Variants in STK4 observed in about 807,000 individuals in gnomAD.
STK4 encodes serine/threonine-protein kinase 4.
In STK4, 30 loss-of-function variants were observed where a neutral mutation model predicts 64.9. The ratio of observed to expected loss-of-function variants is 0.46; its 90% CI spans 0.35 to 0.63. STK4 has a LOEUF of 0.63. Ranked by LOEUF, STK4 falls within the 20% of genes least tolerant of loss-of-function variation. The pLI, the probability that STK4 is intolerant of heterozygous loss-of-function variation, is 0.01. For missense variants in STK4, 466 were observed against 598.5 expected, an observed-to-expected ratio of 0.78 and a Z score of 2.31; for synonymous variants, 177 against 199.0, an observed-to-expected ratio of 0.89 and a Z score of 0.93.
At chr20:45,002,830 T>C (rs1357987153) in intron 9 of STK4, among the ~76,000 whole-genome samples, 2 of 152,024 alleles carry the variant, frequency 1.3e-5, no homozygotes, top group Non-Finnish European at 2.9e-5. Flanking sequence ...TAAAAAAGAT[T>C]CTTAAGGTAA....
chr20:45,000,370 A>G, intron 7 of STK4, 22 bp from the exon 8 acceptor site: 1 of 1,610,182 alleles, frequency 6.2e-7, no homozygotes, highest in Non-Finnish European at 8.5e-7. Context: ...TGTCTCCAGT[A>G]TTTTCTACTT....
chr20:45,036,382 A>C (rs2068527780), intron 10 of STK4, among the ~76,000 whole-genome samples: 1 of 152,120 alleles, frequency 6.6e-6, no homozygotes, highest in South Asian at 2.1e-4. Context: ...TGTCCAGCAT[A>C]TCTGTGCAGT....
chr20:44,971,854 G>A (rs904858541), intron 1 of STK4, among the ~76,000 whole-genome samples: 8 of 151,730 alleles, frequency 5.3e-5, no homozygotes, highest in African/African-American at 1.9e-4. Flanking sequence ...TGTATTTTTA[G>A]TGGAGACGGG....
At chr20:45,010,132 G>A (rs556576133) in intron 9 of STK4, among the ~76,000 whole-genome samples, 27 of 152,068 alleles carry the variant, frequency 1.8e-4, no homozygotes, top group Admixed American at 6.5e-4. Flanking sequence ...GCAGTGGTGC[G>A]ATCTCGGCTT....
At chr20:45,060,180 G>A (rs1978865570) in intron 10 of STK4, among the ~76,000 whole-genome samples, 1 of 152,116 alleles carries the variant, frequency 6.6e-6, no homozygotes, top group African/African-American at 2.4e-5. Context: ...TGAATGGGCA[G>A]CCCCCTAAGC....
intron 5 of STK4, among the ~76,000 whole-genome samples, chr20:44,992,363 A>G (rs775697523): frequency 5.3e-5 from 8 of 151,910 alleles, no homozygotes; most frequent in Non-Finnish European, 7.4e-5. Context: ...GGCTCAAGCA[A>G]TCCTCTTGCT....
Position 45,018,218 on chromosome 20 carries a change from G to C in STK4, c.1148-6755G>C, listed in dbSNP as rs1002427472. Among the ~76,000 whole-genome samples, 5 of 151,862 alleles carry C rather than the reference G, an allele frequency of 3.3e-5. No individual in the cohort carries two copies. In the South Asian group the frequency reaches 8.3e-4, roughly 25 times the overall value. Reference sequence around the variant, plus strand: ...GATTACCAGAGTTGTTGTTGTTGTTGTTGTTGTTGTTTTTCCTGCAAACAT... The same window carrying C: ...GATTACCAGAGTTGTTGTTGTTGTTCTTGTTGTTGTTTTTCCTGCAAACAT... On this transcript the variant is annotated intron_variant, in intron 9 of 10. Coordinates refer to ENST00000372806, the MANE Select transcript of STK4 (RefSeq NM_006282.5).
Position 45,078,360 on chromosome 20 carries a change from C to CTG in STK4, c.*3184_*3185insTG, listed in dbSNP as rs1980679066. 6.6e-6 allele frequency: 1 copy of CTG among 152,038 alleles called. No homozygotes were observed. Among genetic ancestry groups the CTG allele is most frequent in the East Asian group, 1.9e-4 (1 of 5,190 alleles). The allele number at this position is 152,038 out of a possible 1,614,324, so 9.4% of individuals were successfully genotyped here. On this transcript the variant is annotated 3_prime_UTR_variant, in exon 11 of 11. Coordinates refer to ENST00000372806, the MANE Select transcript of STK4 (RefSeq NM_006282.5). ...AGCTGCCACTACAGGTGCTGCACCA[C>CTG]CACGCCCGGCTAATTTTTGTATTTT...
chr20:45,047,968 C>T (rs995600218), intron 10 of STK4, among the ~76,000 whole-genome samples: 1 of 152,154 alleles, frequency 6.6e-6, no homozygotes, highest in Admixed American at 6.5e-5. Context: ...TCTTTGTTTG[C>T]CAATTTAAAA....
At chr20:45,023,285 C>T (rs1382663095) in intron 9 of STK4, among the ~76,000 whole-genome samples, 6 of 152,100 alleles carry the variant, frequency 3.9e-5, no homozygotes, top group Admixed American at 2.6e-4. Flanking sequence ...TGGGCAGATA[C>T]GGGATTGGCT....
chr20:45,059,515 T>C (rs1211294209), intron 10 of STK4, among the ~76,000 whole-genome samples: 5 of 152,282 alleles, frequency 3.3e-5, no homozygotes, highest in African/African-American at 1.2e-4. Context: ...GGGTGGATAG[T>C]GTGTATAGCA....
intron 7 of STK4, among the ~76,000 whole-genome samples, chr20:44,997,996 T>C (rs1174127555): frequency 1.3e-5 from 2 of 152,200 alleles, no homozygotes; most frequent in Non-Finnish European, 2.9e-5. Context: ...AGCTGGTAAG[T>C]AGCACAGTCA....
At chr20:44,998,326 T>C (rs1045705991) in intron 7 of STK4, among the ~76,000 whole-genome samples, 1 of 152,194 alleles carries the variant, frequency 6.6e-6, no homozygotes, top group Non-Finnish European at 1.5e-5. Flanking sequence ...TCTGTTCTTT[T>C]GGTTTTGTGA....
At chr20:45,050,388 C>G (rs2068759671) in intron 10 of STK4, among the ~76,000 whole-genome samples, 2 of 152,156 alleles carry the variant, frequency 1.3e-5, no homozygotes, top group Admixed American at 6.5e-5. Context: ...TTTAACCAGT[C>G]TCCAGCTGAT....
At chr20:45,002,527 T>C (rs923127846) in intron 9 of STK4, among the ~76,000 whole-genome samples, 5 of 152,240 alleles carry the variant, frequency 3.3e-5, no homozygotes, top group Admixed American at 2.0e-4. Context: ...GCAGATTTTG[T>C]AATTCTCCCT....
At chr20:45,058,315 A>T (rs1024256676) in intron 10 of STK4, among the ~76,000 whole-genome samples, 9 of 152,114 alleles carry the variant, frequency 5.9e-5, no homozygotes, top group Non-Finnish European at 1.3e-4. Flanking sequence ...CCCAGCAGTA[A>T]GGCTTACAGA....
chr20:45,000,198 A>T (rs1157339565), intron 7 of STK4, among the ~76,000 whole-genome samples, 194 bp from the exon 8 acceptor site: 1 of 152,220 alleles, frequency 6.6e-6, no homozygotes, highest in African/African-American at 2.4e-5. Flanking sequence ...TGAAAAAGAT[A>T]GGCAAAGACT....
intron 9 of STK4, 145 bp downstream of exon 9, chr20:45,001,498 G>C: frequency 3.2e-6 from 3 of 951,066 alleles, no homozygotes; most frequent in Non-Finnish European, 4.4e-6. Flanking sequence ...AGTTTGCGAT[G>C]GGGACAGGAG....
At chr20:45,062,779 G>T (rs908584809) in intron 10 of STK4, among the ~76,000 whole-genome samples, 4 of 150,698 alleles carry the variant, frequency 2.7e-5, no homozygotes, top group African/African-American at 9.8e-5. Flanking sequence ...CCGGGTTCAC[G>T]CCATTCCCCG....
Sources: gnomAD v4.1 joint callset for allele counts (sites outside exome capture counted in the v4.1 genomes callset) on GRCh38, gnomAD v4.1.1 for gene constraint, MANE v1.5 for transcripts, NCBI Gene and HGNC (gene_info 2026-07-23, HGNC 2026-07-21) for gene names.